KIF11: variants seen among roughly 807,000 people sequenced by gnomAD.
KIF11 encodes kinesin-like protein KIF11.
KIF11 carries 9 observed loss-of-function variants against 121.0 expected under a neutral mutation model. The observed-to-expected ratio is 0.07, with a 90% CI of 0.04 to 0.13. KIF11 has a LOEUF of 0.13. Ranked by LOEUF, KIF11 falls within the 10% of genes least tolerant of loss-of-function variation. The pLI is 1.00. For missense variants in KIF11, 846 were observed against 1,217.5 expected, an observed-to-expected ratio of 0.69 and a Z score of 4.54; for synonymous variants, 408 against 421.0, an observed-to-expected ratio of 0.97 and a Z score of 0.38.
At chr10:92,622,750 C>T (rs919854703) in intron 10 of KIF11, among the ~76,000 whole-genome samples, 1 of 152,084 alleles carries the variant, frequency 6.6e-6, no homozygotes, top group African/African-American at 2.4e-5. Context: ...CCACCTGAGA[C>T]TGGGTAATTT....
intron 19 of KIF11, among the ~76,000 whole-genome samples, chr10:92,648,661 T>C (rs1233074091): frequency 1.3e-5 from 2 of 152,172 alleles, no homozygotes; most frequent in African/African-American, 2.4e-5. Flanking sequence ...TTTCAGGGAG[T>C]TGACTTTGTT....
chr10:92,597,262 G>A (rs111782276), intron 1 of KIF11: 175 of 239,980 alleles, frequency 7.3e-4, no homozygotes, highest in African/African-American at 3.1e-3. Context: ...GTCATCTCCA[G>A]TCTCCTCCAT....
intron 6 of KIF11, among the ~76,000 whole-genome samples, chr10:92,610,155 T>C (rs1459911158): frequency 6.6e-6 from 1 of 152,178 alleles, no homozygotes; most frequent in African/African-American, 2.4e-5. Context: ...CTTACCTCCT[T>C]AGCCTTATGA....
chr10:92,637,005 C>A (rs1844808876), intron 14 of KIF11, among the ~76,000 whole-genome samples, 179 bp from the exon 15 acceptor site: 1 of 135,582 alleles, frequency 7.4e-6, no homozygotes. Flanking sequence ...TGTACTCCAA[C>A]CTGGGTGACA....
intron 9 of KIF11, among the ~76,000 whole-genome samples, chr10:92,620,460 G>T (rs1329627290): frequency 6.6e-6 from 1 of 152,034 alleles, no homozygotes; most frequent in Non-Finnish European, 1.5e-5. Flanking sequence ...ATAATGAGTT[G>T]GTTTCCTAGG....
rs1372121391 is a variant in KIF11, at chr10:92,593,444, G to C, written c.69G>C (p.Val23=). The C allele has an allele frequency of 6.2e-7, 1 of 1,609,842 alleles. No individual in the cohort carries two copies. Among genetic ancestry groups the C allele is most frequent in the African/African-American group, 1.3e-5 (1 of 75,040 alleles). Residue 23 remains valine (V), a synonymous_variant, in exon 1 of 22, where the codon GTG becomes GTC. Transcript: ENST00000260731. ...EEKGKNIQVV[V]RCRPFNLAER... is the part of the protein sequence containing the mutation. ...AGGGGAAGAACATCCAGGTGGTGGT[G>C]AGATGCAGGTAGGGAGAGGGCTGAC...
At chr10:92,614,094 T>C (rs2135905578) in intron 8 of KIF11, among the ~76,000 whole-genome samples, 1 of 142,718 alleles carries the variant, frequency 7.0e-6, no homozygotes, top group African/African-American at 2.9e-5. Context: ...GTTCATTTAG[T>C]AGCTTCATTT....
At chr10:92,603,100 A>C (rs1200365806) in intron 1 of KIF11, among the ~76,000 whole-genome samples, 1 of 151,370 alleles carries the variant, frequency 6.6e-6, no homozygotes, top group Non-Finnish European at 1.5e-5. Context: ...TCTGCCTGAA[A>C]ATTTTTTCCA....
rs529504647 is a variant in KIF11, at chr10:92,619,525, C to T, written c.1129-1860C>T. ...GGATAATTGCCCAAGAGTGCAATTGCTGGGTTGTATAATAATTGAATGTTT... is the reference window on the plus strand; with the variant it reads ...GGATAATTGCCCAAGAGTGCAATTGTTGGGTTGTATAATAATTGAATGTTT... On this transcript the variant is annotated intron_variant, in intron 9 of 21. Transcript: ENST00000260731. 5.6e-4 allele frequency among the ~76,000 whole-genome samples: 85 copies of T among 152,066 alleles called. 1 individual carries two copies. The highest frequency in any genetic ancestry group is 2.0e-3 in the African/African-American group (83 of 41,476).
rs77356303 is a variant in KIF11, at chr10:92,646,975, G to A, written c.2548-1237G>A. Among the ~76,000 whole-genome samples the A allele has an allele frequency of 2.6e-3, 392 of 152,340 alleles. 1 individual carries two copies. The highest frequency in any genetic ancestry group is 9.0e-3 in the African/African-American group (373 of 41,586). ...TCTTAATAAAATAACCCCTGTGGAT[G>A]TTAATGATGGCTTAAACCATTTGAT... On this transcript the variant is annotated intron_variant, in intron 18 of 21. Transcript: ENST00000260731.
chr10:92,599,670 T>G (rs1301658426), intron 1 of KIF11, among the ~76,000 whole-genome samples: 4 of 150,588 alleles, frequency 2.7e-5, no homozygotes, highest in Non-Finnish European at 5.9e-5. Context: ...TTTTTTTTTT[T>G]TGAGATGGAG....
At chr10:92,610,255 G>A (rs1589592422) in intron 6 of KIF11, among the ~76,000 whole-genome samples, 1 of 152,098 alleles carries the variant, frequency 6.6e-6, no homozygotes, top group Non-Finnish European at 1.5e-5. Flanking sequence ...TAGAAGTTAG[G>A]TCTTTTAAAA....
chr10:92,620,674 G>T (rs2135909421), intron 9 of KIF11, among the ~76,000 whole-genome samples: 2 of 152,276 alleles, frequency 1.3e-5, no homozygotes, highest in South Asian at 4.1e-4. Context: ...CATGTCTGGG[G>T]AGGCCTCATA....
chr10:92,622,913 A>G (rs748425766), intron 10 of KIF11, among the ~76,000 whole-genome samples: 13 of 152,126 alleles, frequency 8.5e-5, no homozygotes, highest in Non-Finnish European at 1.8e-4. Context: ...GTGAAGAGGA[A>G]AGCACTGCAC....
At chr10:92,621,662 C>T (rs574817865) in intron 10 of KIF11, among the ~76,000 whole-genome samples, 189 bp downstream of exon 10, 5 of 152,102 alleles carry the variant, frequency 3.3e-5, no homozygotes, top group South Asian at 2.1e-4. Flanking sequence ...AGCACAGTGG[C>T]ACAATCTTGG....
intron 10 of KIF11, among the ~76,000 whole-genome samples, chr10:92,623,967 G>A (rs1052256963): frequency 7.2e-5 from 11 of 151,846 alleles, no homozygotes; most frequent in African/African-American, 2.7e-4. Context: ...AACAGGAGTT[G>A]GTGTACATAT....
intron 1 of KIF11, among the ~76,000 whole-genome samples, chr10:92,605,456 A>G (rs1318682005): frequency 6.7e-6 from 1 of 148,796 alleles, no homozygotes; most frequent in African/African-American, 2.5e-5. Flanking sequence ...GTTTTTTTCT[A>G]CTACATCATA....
intron 4 of KIF11, 103 bp downstream of exon 4, chr10:92,607,340 T>A (rs1844441226): frequency 1.5e-6 from 1 of 648,082 alleles, no homozygotes; most frequent in East Asian, 2.8e-5. Flanking sequence ...TCAGAGTACC[T>A]ATGTCAAAAT....
intron 9 of KIF11, among the ~76,000 whole-genome samples, chr10:92,619,148 C>A (rs201820741): frequency 6.6e-6 from 1 of 152,138 alleles, no homozygotes; most frequent in African/African-American, 2.4e-5. Flanking sequence ...TCCCAAGTAG[C>A]TGGGATTACA....
Sources: allele counts gnomAD v4.1 joint callset (sites outside exome capture counted in the v4.1 genomes callset), GRCh38; gene constraint gnomAD v4.1.1; transcripts MANE v1.5; gene names NCBI Gene and HGNC (gene_info 2026-07-23, HGNC 2026-07-21).